CSMD2: variants seen among roughly 807,000 people sequenced by gnomAD.
CSMD2 encodes the protein CUB and Sushi multiple domains 2.
CSMD2 carries 130 observed loss-of-function variants against 398.5 expected under a neutral mutation model. That is an observed-to-expected ratio of 0.33 (90% confidence interval 0.28 to 0.38). The LOEUF is 0.38. Ranked by LOEUF, CSMD2 falls within the 10% of genes least tolerant of loss-of-function variation. The pLI is 1.00. For synonymous variants in CSMD2, 1,828 were observed against 1,908.5 expected (o/e 0.96, Z 1.10); for missense variants, 3,829 against 4,764.9 (o/e 0.80, Z 5.78).
At chr1:33,723,857 A>T (rs571780784) in intron 19 of CSMD2, among the ~76,000 whole-genome samples, 1 of 152,330 alleles carries the variant, frequency 6.6e-6, no homozygotes, top group African/African-American at 2.4e-5. Flanking sequence ...GCCTCCCCAC[A>T]TCAGGCATGT....
At chr1:34,161,857 G>C (rs993250739) in intron 1 of CSMD2, among the ~76,000 whole-genome samples, 1 of 152,066 alleles carries the variant, frequency 6.6e-6, no homozygotes, top group African/African-American at 2.4e-5. Flanking sequence ...CCTGTTCACA[G>C]GTCAAAGGGA....
chr1:33,812,598 A>T (rs1200638196), intron 9 of CSMD2, among the ~76,000 whole-genome samples: 1 of 152,240 alleles, frequency 6.6e-6, no homozygotes, highest in African/African-American at 2.4e-5. Flanking sequence ...AAATTTATGA[A>T]CTTAGCCTTC....
intron 4 of CSMD2, among the ~76,000 whole-genome samples, chr1:33,928,080 G>A (rs1459190888): frequency 1.3e-5 from 2 of 152,218 alleles, no homozygotes; most frequent in Non-Finnish European, 2.9e-5. Flanking sequence ...TGAACCATCA[G>A]GCTGGAGAAG....
intron 26 of CSMD2, among the ~76,000 whole-genome samples, chr1:33,659,187 T>C (rs1456662245): frequency 6.6e-6 from 1 of 152,224 alleles, no homozygotes; most frequent in Non-Finnish European, 1.5e-5. Context: ...ATAGAGCAGG[T>C]GTTTTATAAG....
In CSMD2 at chr1:33,709,172, T is replaced by C. The variant is rs750297036; in HGVS notation, c.3493A>G (p.Ile1165Val). 3.1e-6 allele frequency: 5 copies of C among 1,614,128 alleles called. No homozygotes were observed. The highest frequency in any genetic ancestry group is 1.7e-5 in the Admixed American group (1 of 60,020). The change falls in exon 22 of 71, where the codon ATC becomes GTC. Residue 1165 changes from isoleucine to valine, a missense_variant. By Grantham distance (29) the Ile-to-Val change is conservative. Coordinates refer to ENST00000373381, the MANE Select transcript of CSMD2 (RefSeq NM_001281956.2). ...CCTGGCTGGGTCTGGATGGAGTAGA[T>C]GCATTCATGATTGTTATTGTAGTTC... is the stretch of plus-strand genomic sequence containing the variant. ...PVNYNNNHEC[I>V]YSIQTQPGKG...
chr1:33,654,666 G>A (rs1234741944), intron 27 of CSMD2, among the ~76,000 whole-genome samples: 1 of 152,330 alleles, frequency 6.6e-6, no homozygotes, highest in Middle Eastern at 3.4e-3. Context: ...TCCATGGAGC[G>A]TGGCCTTGCC....
At chr1:34,060,426 T>C (rs551416801) in intron 2 of CSMD2, among the ~76,000 whole-genome samples, 1 of 152,302 alleles carries the variant, frequency 6.6e-6, no homozygotes, top group African/African-American at 2.4e-5. Flanking sequence ...TGAAAACATA[T>C]ATATCAAAGG....
intron 13 of CSMD2, among the ~76,000 whole-genome samples, chr1:33,763,679 C>T (rs966874724): frequency 2.6e-5 from 4 of 152,178 alleles, no homozygotes; most frequent in Non-Finnish European, 5.9e-5. Flanking sequence ...TTCACCCTGG[C>T]CAGGTACACT....
At position 33,605,363 on chromosome 1, in the gene CSMD2, A is replaced by G; in HGVS notation, c.6451T>C (p.Tyr2151His). ...AGGACAGGGTGGCCAGTCAATTGAT[A>G]CCCCGGGAGGCACTCGAAGGTCACT... Reference protein sequence around the residue: ...QSVTFECLPGYQLTGHPVLTC... With the variant: ...QSVTFECLPGHQLTGHPVLTC... The change falls in exon 42 of 71, where the codon TAT becomes CAT. Residue 2151 changes from tyrosine to histidine, a missense_variant. This residue lies in a region of CSMD2 where 723 missense variants were observed against 758.6 expected (regional missense o/e 0.95). Transcript: ENST00000373381. 1 of 1,613,934 alleles carries G rather than the reference A, an allele frequency of 6.2e-7. No individual in the cohort carries two copies. The highest frequency in any genetic ancestry group is 8.5e-7 in the Non-Finnish European group (1 of 1,179,988).
At chr1:33,851,111 C>G (rs1287094125) in intron 5 of CSMD2, among the ~76,000 whole-genome samples, 1 of 152,164 alleles carries the variant, frequency 6.6e-6, no homozygotes, top group African/African-American at 2.4e-5. Flanking sequence ...TCCCTGAAAA[C>G]TGACATCTTC....
intron 9 of CSMD2, among the ~76,000 whole-genome samples, chr1:33,811,828 C>T: frequency 6.6e-6 from 1 of 152,188 alleles, no homozygotes; most frequent in South Asian, 2.1e-4. Flanking sequence ...ATAAAAGGTT[C>T]TAAGAGCCTG....
chr1:33,897,463 T>C (rs796398423), intron 5 of CSMD2, among the ~76,000 whole-genome samples: 3 of 152,320 alleles, frequency 2.0e-5, no homozygotes, highest in African/African-American at 7.2e-5. Context: ...ATTTTATTTC[T>C]CCAGGGCTTT....
At chr1:33,547,044 G>A (rs1187298032) in intron 56 of CSMD2, among the ~76,000 whole-genome samples, 2 of 152,264 alleles carry the variant, frequency 1.3e-5, no homozygotes, top group East Asian at 3.9e-4. Flanking sequence ...CAAGGTGATC[G>A]ATGCTGGGCC....
At chr1:34,159,148 C>T (rs1641078302) in intron 1 of CSMD2, among the ~76,000 whole-genome samples, 1 of 152,242 alleles carries the variant, frequency 6.6e-6, no homozygotes, top group Non-Finnish European at 1.5e-5. Flanking sequence ...CTACACTGCC[C>T]TGCCTCAGTT....
At chr1:33,578,232 G>A (rs111542815) in intron 48 of CSMD2, among the ~76,000 whole-genome samples, 3,329 of 152,266 alleles carry the variant, frequency 0.022, 64 homozygotes, top group Non-Finnish European at 0.036. Context: ...TAGACATCAA[G>A]TATCTATTAT....
At chr1:33,995,019 G>A (rs569580793) in intron 3 of CSMD2, among the ~76,000 whole-genome samples, 7 of 149,858 alleles carry the variant, frequency 4.7e-5, no homozygotes, top group African/African-American at 1.5e-4. Flanking sequence ...AGCCAAGATC[G>A]CCCCACCGCA....
At chr1:33,780,345 C>A (rs141108819) in intron 12 of CSMD2, among the ~76,000 whole-genome samples, 1 of 152,154 alleles carries the variant, frequency 6.6e-6, no homozygotes. Context: ...TCTGATTATG[C>A]GAAGGGCACC....
At position 33,832,268 on chromosome 1, in the gene CSMD2, C is replaced by A. The variant is rs1412644916; in HGVS notation, c.1034-6494G>T. The stretch of plus-strand genomic sequence containing the variant: ...ATTGACCACATAGTTGGAAGTAAAG[C>A]ACTCCTCAGCAAATGTAAAAGAACA... On this transcript the variant is annotated intron_variant, in intron 6 of 70. Coordinates refer to ENST00000373381, the MANE Select transcript of CSMD2 (RefSeq NM_001281956.2). Among the ~76,000 whole-genome samples the A allele has an allele frequency of 3.3e-5, 5 of 152,012 alleles. No homozygotes were observed. In the East Asian group the frequency reaches 7.7e-4, roughly 23 times the overall value.
intron 3 of CSMD2, among the ~76,000 whole-genome samples, chr1:34,027,003 A>G (rs1649736659): frequency 1.3e-5 from 2 of 152,256 alleles, no homozygotes; most frequent in Non-Finnish European, 2.9e-5. Context: ...ATGAACATTT[A>G]TCTAATCTTC....
Sources: allele counts gnomAD v4.1 joint callset (sites outside exome capture counted in the v4.1 genomes callset), GRCh38; gene constraint gnomAD v4.1.1; regional missense constraint gnomAD v4.1.1; transcripts MANE v1.5; gene names NCBI Gene and HGNC (gene_info 2026-07-23, HGNC 2026-07-21).